CCDC191: variants seen among roughly 807,000 people sequenced by gnomAD.
CCDC191 encodes coiled-coil domain containing 191.
A neutral mutation model predicts 114.0 loss-of-function variants in CCDC191; 99 were observed. The ratio of observed to expected loss-of-function variants is 0.87; its 90% CI spans 0.74 to 1.03. The LOEUF (loss-of-function observed/expected upper bound fraction) is 1.03, where lower values mean the gene tolerates loss of function less well. Ranked by LOEUF, CCDC191 falls within the 50% of genes least tolerant of loss-of-function variation. CCDC191 has a pLI of 0.00. For missense variants in CCDC191, 973 were observed against 1,087.0 expected, an observed-to-expected ratio of 0.90 and a Z score of 1.47; for synonymous variants, 351 against 376.0, an observed-to-expected ratio of 0.93 and a Z score of 0.77.
chr3:114,027,441 C>G (rs1037624060), intron 7 of CCDC191, among the ~76,000 whole-genome samples: 2 of 118,150 alleles, frequency 1.7e-5, no homozygotes, highest in Admixed American at 9.4e-5. Context: ...TGGTGAAACT[C>G]CGTCTCTACT....
chr3:114,039,139 T>C (rs1022067735), intron 4 of CCDC191, among the ~76,000 whole-genome samples: 8 of 152,082 alleles, frequency 5.3e-5, no homozygotes, highest in African/African-American at 1.9e-4. Context: ...ATAATGATAA[T>C]AACAACTATG....
chr3:114,009,869 T>G (rs1282830493), intron 9 of CCDC191, among the ~76,000 whole-genome samples: 1 of 152,124 alleles, frequency 6.6e-6, no homozygotes, highest in East Asian at 1.9e-4. Flanking sequence ...CTAAACAAAT[T>G]CCAGCTTATG....
At chr3:113,971,015 C>A (rs1232000018) in intron 16 of CCDC191, among the ~76,000 whole-genome samples, 1 of 152,076 alleles carries the variant, frequency 6.6e-6, no homozygotes, top group African/African-American at 2.4e-5. Flanking sequence ...GTGAATAGTG[C>A]CGCAATAAAC....
intron 9 of CCDC191, 22 bp downstream of exon 9, chr3:114,010,750 C>T (rs1390428019): frequency 6.3e-7 from 1 of 1,582,870 alleles, no homozygotes. Flanking sequence ...CAAGTGTTTA[C>T]TAAGCAGGAA....
intron 2 of CCDC191, among the ~76,000 whole-genome samples, chr3:114,050,107 A>G (rs958214880): frequency 6.6e-6 from 1 of 152,270 alleles, no homozygotes; most frequent in African/African-American, 2.4e-5. Context: ...AGCGTATCAT[A>G]GTAACTATGT....
intron 9 of CCDC191, among the ~76,000 whole-genome samples, chr3:114,008,636 C>T (rs2076015253): frequency 1.3e-5 from 2 of 151,828 alleles, no homozygotes; most frequent in East Asian, 3.9e-4. Flanking sequence ...ATACCAAACA[C>T]CATAACTAAA....
chr3:114,049,962 A>T (rs180938926), intron 2 of CCDC191, among the ~76,000 whole-genome samples: 181 of 152,346 alleles, frequency 1.2e-3, no homozygotes, highest in African/African-American at 4.0e-3. Flanking sequence ...TGGAAACAAA[A>T]GTAAAAGTTT....
intron 13 of CCDC191, among the ~76,000 whole-genome samples, chr3:113,983,684 A>G (rs1322660380): frequency 6.6e-6 from 1 of 152,218 alleles, no homozygotes; most frequent in Non-Finnish European, 1.5e-5. Flanking sequence ...TCATTGCTAC[A>G]TTCTAACATC....
At chr3:114,048,519 A>T (rs1258755724) in intron 2 of CCDC191, among the ~76,000 whole-genome samples, 1 of 152,024 alleles carries the variant, frequency 6.6e-6, no homozygotes, top group Non-Finnish European at 1.5e-5. Flanking sequence ...TTCCTCCTCA[A>T]ATATGCTCAG....
At chr3:114,018,646 A>T (rs779180180) in intron 8 of CCDC191, 32 bp downstream of exon 8, 1 of 1,545,638 alleles carries the variant, frequency 6.5e-7, no homozygotes, top group Non-Finnish European at 8.8e-7. Context: ...CTAGATAAAC[A>T]TACTAGATTT....
rs2107567460 is a variant in CCDC191, at chr3:113,970,852, A to G, written c.2607-5493T>C. 1.3e-5 allele frequency among the ~76,000 whole-genome samples: 2 copies of G among 152,242 alleles called. 1 individual carries two copies. Among genetic ancestry groups the G allele is most frequent in the South Asian group, 4.2e-4 (2 of 4,806 alleles). ...TTGTCCTTGCGATAGTTTGCTGAGA[A>G]TGACGGTTTCCAGCTTCATCCATGT... On this transcript the variant is annotated intron_variant, in intron 16 of 16. Coordinates refer to ENST00000295878, the MANE Select transcript of CCDC191 (RefSeq NM_020817.2).
intron 5 of CCDC191, among the ~76,000 whole-genome samples, chr3:114,036,126 C>T (rs1396505155): frequency 1.3e-5 from 2 of 152,178 alleles, no homozygotes; most frequent in Non-Finnish European, 2.9e-5. Context: ...AAAGTTCTCA[C>T]ATGCTTTTCT....
chr3:113,986,734 A>G (rs1223457844), intron 13 of CCDC191, among the ~76,000 whole-genome samples: 4 of 152,158 alleles, frequency 2.6e-5, no homozygotes, highest in Non-Finnish European at 5.9e-5. Context: ...GTGCAGCCCT[A>G]ATTGGACAGA....
At chr3:114,036,234 T>A (rs959197514) in intron 5 of CCDC191, among the ~76,000 whole-genome samples, 7 of 152,186 alleles carry the variant, frequency 4.6e-5, no homozygotes, top group Admixed American at 1.3e-4. Context: ...AAAAGAATTA[T>A]CCTGTAACAT....
At position 114,056,520 on chromosome 3, in the gene CCDC191, C is replaced by G. The variant is rs781325143; in HGVS notation, c.-54G>C. ...AAAGCTGCAGCAACCGCCCTTCTGC[C>G]CGGGCTGCCTCCGGGTCACGCTGGG... is the stretch of plus-strand genomic sequence containing the variant. On this transcript the variant is annotated 5_prime_UTR_variant, in exon 1 of 17. Coordinates refer to ENST00000295878, the MANE Select transcript of CCDC191 (RefSeq NM_020817.2). The G allele has an allele frequency of 3.1e-6, 5 of 1,612,910 alleles. No homozygotes were observed. Among genetic ancestry groups the G allele is most frequent in the Middle Eastern group, 3.3e-4 (2 of 6,084 alleles).
chr3:114,056,244 T>A lies in CCDC191; in HGVS notation c.90+133A>T. 3 of 790,004 alleles carry A rather than the reference T, an allele frequency of 3.8e-6. No individual in the cohort carries two copies. The East Asian group carries it at 7.3e-5, about 19-fold the overall frequency. The allele number at this position is 790,004 out of a possible 1,614,324, so 48.9% of individuals were successfully genotyped here. The stretch of plus-strand genomic sequence containing the variant: ...CATTTCACTCAGGGTAATGCTGGCT[T>A]TGGGGCGGTCAAGGCAGGGGCGTGT... On this transcript the variant is annotated intron_variant, in intron 1 of 16. Transcript: ENST00000295878.
chr3:113,999,041 T>C (rs2075797941), intron 13 of CCDC191, among the ~76,000 whole-genome samples: 1 of 152,136 alleles, frequency 6.6e-6, no homozygotes, highest in Admixed American at 6.5e-5. Flanking sequence ...TAGGTGGCAA[T>C]ACCTTGCAGG....
At position 113,993,800 on chromosome 3, in the gene CCDC191, G is replaced by A. The variant is rs565101892; in HGVS notation, c.2163+7795C>T. Among the ~76,000 whole-genome samples, 58 of 152,230 alleles carry A rather than the reference G, an allele frequency of 3.8e-4. No individual in the cohort carries two copies. In the South Asian group the frequency reaches 7.9e-3, roughly 21 times the overall value. On this transcript the variant is annotated intron_variant, in intron 13 of 16. Coordinates refer to ENST00000295878, the MANE Select transcript of CCDC191 (RefSeq NM_020817.2). The stretch of plus-strand genomic sequence containing the variant: ...CTTGGAAGGCTGAGGTGGGAGAATC[G>A]CTTGAGCCTGGGAGGTGGAGGTTGC...
At chr3:113,969,752 T>G (rs7638944) in intron 16 of CCDC191, among the ~76,000 whole-genome samples, 4,811 of 152,262 alleles carry the variant, frequency 0.032, 233 homozygotes, top group African/African-American at 0.11. Flanking sequence ...TTACTATAGC[T>G]TTGTAGTAAA....
Sources: allele counts gnomAD v4.1 joint callset (sites outside exome capture counted in the v4.1 genomes callset), GRCh38; gene constraint gnomAD v4.1.1; transcripts MANE v1.5; gene names NCBI Gene and HGNC (gene_info 2026-07-23, HGNC 2026-07-21).